VTI1B: variants seen among roughly 807,000 people sequenced by gnomAD.
VTI1B encodes vesicle transport through interaction with t-SNAREs homolog 1B.
A neutral mutation model predicts 28.6 loss-of-function variants in VTI1B; 18 were observed. That is an observed-to-expected ratio of 0.63 (90% CI 0.43 to 0.93). VTI1B has a LOEUF of 0.93. VTI1B is among the 40% of genes least tolerant of loss of function. The probability of loss-of-function intolerance (pLI) is 0.00; values close to 1 mark genes in which losing one functional copy is unlikely to be tolerated. For synonymous variants in VTI1B, 100 were observed against 107.9 expected (o/e 0.93, Z 0.46); for missense variants, 283 against 297.0 (o/e 0.95, Z 0.35).
chr14:67,656,319 C>T (rs1303015356), intron 4 of VTI1B, 97 bp downstream of exon 4: 6 of 1,147,228 alleles, frequency 5.2e-6, no homozygotes, highest in East Asian at 5.4e-5. Context: ...TCCCTGAATA[C>T]AGAACTGCTG....
chr14:67,650,873 C>T lies in VTI1B; in HGVS notation c.*512G>A, dbSNP rs768729907. The T allele has an allele frequency of 6.1e-5, 98 of 1,614,038 alleles. No individual in the cohort carries two copies. Among genetic ancestry groups the T allele is most frequent in the Admixed American group, 4.0e-4 (24 of 60,002 alleles). On this transcript the variant is annotated 3_prime_UTR_variant, in exon 6 of 6. Transcript: ENST00000554659. ...TATTGTCTATGACCAACTTCCTACT[C>T]CCAGTTCACCAGATGAATCAGAAAA...
intron 1 of VTI1B, among the ~76,000 whole-genome samples, chr14:67,669,452 G>A (rs1192775088): frequency 1.3e-5 from 2 of 148,494 alleles, no homozygotes; most frequent in Non-Finnish European, 3.0e-5. Flanking sequence ...TTTTTTTGTA[G>A]AGATAGGTCT....
chr14:67,668,784 T>G (rs749095125), intron 1 of VTI1B, among the ~76,000 whole-genome samples: 2 of 152,214 alleles, frequency 1.3e-5, no homozygotes, highest in African/African-American at 2.4e-5. Context: ...TCAATAGGTC[T>G]GGGGTGGGGC....
rs1296832225 is a variant in VTI1B, at chr14:67,651,040, AT to A, written c.*344del. 2 of 1,112,046 alleles carry A rather than the reference AT, an allele frequency of 1.8e-6. No individual in the cohort carries two copies. The highest frequency in any genetic ancestry group is 2.6e-6 in the Non-Finnish European group (2 of 775,148). 68.9% of individuals were successfully genotyped at this position (1,112,046 alleles called of 1,614,324 possible). A position where few individuals can be genotyped will look rare whatever the true frequency, so the allele number is the denominator to read the frequency against. ...ACTGCCTTAATGAGAACATTTACAC[AT>A]TCTCACAATTGTAAAGTTTCCCCTC... On this transcript the variant is annotated 3_prime_UTR_variant, in exon 6 of 6. Transcript: ENST00000554659.
rs375567734 is a variant in VTI1B at position 67,660,544 on chromosome 14, T to C, written c.175-622A>G. ...AAGAAGTGCTTTGAAGTCTACTGTATTAAAAATGATAGGGGTCTGGCATCA... is the reference window on the plus strand; with the variant it reads ...AAGAAGTGCTTTGAAGTCTACTGTACTAAAAATGATAGGGGTCTGGCATCA... On this transcript the variant is annotated intron_variant, in intron 2 of 5. Transcript: ENST00000554659. 3.0e-4 allele frequency among the ~76,000 whole-genome samples: 46 copies of C among 152,328 alleles called. 1 individual carries two copies. Among genetic ancestry groups the C allele is most frequent in the African/African-American group, 1.1e-3 (45 of 41,586 alleles).
At position 67,672,122 on chromosome 14, in the gene VTI1B, CA is replaced by C. The variant is rs765786997; in HGVS notation, c.115+2252del. On this transcript the variant is annotated intron_variant, in intron 1 of 5. Transcript: ENST00000554659. ...AGTGCCAGGTTGAAAATGCAGTCTA[CA>C]TTTTTTTTTTTTTTTGGGAGAGTCT... Among the ~76,000 whole-genome samples the C allele has an allele frequency of 5.8e-3, 762 of 130,902 alleles. 5 individuals carry two copies. The highest frequency in any genetic ancestry group is 9.3e-3 in the Non-Finnish European group (515 of 55,540). The allele number at this position is 130,902 out of a possible 152,430, so 85.9% of individuals were successfully genotyped here.
Position 67,648,238 on chromosome 14 carries a change from T to G in VTI1B, c.*3147A>C. On this transcript the variant is annotated 3_prime_UTR_variant, in exon 6 of 6. Coordinates refer to ENST00000554659, the MANE Select transcript of VTI1B (RefSeq NM_006370.3). Reference sequence around the variant, plus strand: ...AACTACATAGGTAAATATGCTAGAGTCTCTTGCCTGCAAAGGATCTTTTCT... The same window carrying G: ...AACTACATAGGTAAATATGCTAGAGGCTCTTGCCTGCAAAGGATCTTTTCT... 2 of 1,546,236 alleles carry G rather than the reference T, an allele frequency of 1.3e-6. No individual in the cohort carries two copies. The highest frequency in any genetic ancestry group is 4.6e-5 in the East Asian group (2 of 43,752).
intron 1 of VTI1B, among the ~76,000 whole-genome samples, chr14:67,665,687 G>A (rs1338942723): frequency 6.6e-6 from 1 of 152,138 alleles, no homozygotes; most frequent in African/African-American, 2.4e-5. Context: ...CTGTGCCATA[G>A]ATCCTAGAAC....
At chr14:67,665,438 A>AT (rs986357378) in intron 1 of VTI1B, among the ~76,000 whole-genome samples, 44 of 147,870 alleles carry the variant, frequency 3.0e-4, no homozygotes, top group Middle Eastern at 3.5e-3. Flanking sequence ...CACACAGCTA[A>AT]TTTTTTTTTT....
chr14:67,674,331 G>A (rs2140042042), intron 1 of VTI1B, 44 bp downstream of exon 1: 1 of 1,500,230 alleles, frequency 6.7e-7, no homozygotes, highest in South Asian at 1.2e-5. Flanking sequence ...CTTCCAAAGC[G>A]CGCAGGGCTG....
intron 1 of VTI1B, chr14:67,663,191 C>T (rs1303553771): frequency 6.6e-7 from 1 of 1,524,630 alleles, no homozygotes; most frequent in South Asian, 1.2e-5. Flanking sequence ...CTAATCTCCC[C>T]TTTGAACAAA....
At position 67,659,867 on chromosome 14, in the gene VTI1B, A is replaced by G; in HGVS notation, c.230T>C (p.Met77Thr). 1.2e-6 allele frequency: 2 copies of G among 1,614,176 alleles called. No homozygotes were observed. The highest frequency in any genetic ancestry group is 1.1e-5 in the South Asian group (1 of 91,072). The stretch of plus-strand genomic sequence containing the variant: ...CCGGTAGTTTCGAAGCTTAGACATC[A>G]TGGGGTTTCGGAAAGACAGGGGTGC... Reference protein sequence around the residue: ...RYAPLSFRNPMMSKLRNYRKD... With the variant: ...RYAPLSFRNPTMSKLRNYRKD... The change falls in exon 3 of 6, where the codon ATG (methionine) becomes ACG (threonine). Residue 77 changes from methionine (M) to threonine (T), a missense_variant. Coordinates refer to ENST00000554659, the MANE Select transcript of VTI1B (RefSeq NM_006370.3).
Position 67,662,499 on chromosome 14 carries a change from T to C in VTI1B, c.152A>G (p.Lys51Arg). 37 of 1,612,264 alleles carry C rather than the reference T, an allele frequency of 2.3e-5. No homozygotes were observed. Among genetic ancestry groups the C allele is most frequent in the Non-Finnish European group, 3.1e-5 (36 of 1,179,562 alleles). Residue 51 changes from lysine (K) to arginine (R), a missense_variant, in exon 2 of 6, where the codon AAG becomes AGG. Lys to Arg is a conservative substitution (Grantham distance 26). Transcript: ENST00000554659. The part of the protein sequence containing the change: ...KKKLIRDFDE[K>R]QQEANETLAE... ...CACCGTTTCATTTGCTTCCTGTTGCTTTTCATCAAAATCCCTGATCAATTT... is the reference window on the plus strand; with the variant it reads ...CACCGTTTCATTTGCTTCCTGTTGCCTTTCATCAAAATCCCTGATCAATTT...
chr14:67,664,215 T>C (rs150913549), intron 1 of VTI1B, among the ~76,000 whole-genome samples: 3 of 152,292 alleles, frequency 2.0e-5, no homozygotes, highest in South Asian at 2.1e-4. Flanking sequence ...CACACCGTTG[T>C]GGAGCCATCA....
At position 67,662,513 on chromosome 14, in the gene VTI1B, C is replaced by T. The variant is rs766030434; in HGVS notation, c.138G>A (p.Arg46=). 1.2e-6 allele frequency: 2 copies of T among 1,611,168 alleles called. No individual in the cohort carries two copies. The highest frequency in any genetic ancestry group is 2.2e-5 in the South Asian group (2 of 90,520). The stretch of plus-strand genomic sequence containing the variant: ...CTTCCTGTTGCTTTTCATCAAAATC[C>T]CTGATCAATTTCTTCTTTTCTTCTA... ...AGTEEKKKLI[R]DFDEKQQEAN... is the part of the protein sequence containing the mutation. The change falls in exon 2 of 6, where the codon AGG becomes AGA. Residue 46 remains arginine (R), a synonymous_variant. Coordinates refer to ENST00000554659, the MANE Select transcript of VTI1B (RefSeq NM_006370.3).
chr14:67,655,534 T>G (rs2037244927), intron 4 of VTI1B, among the ~76,000 whole-genome samples: 2 of 152,160 alleles, frequency 1.3e-5, no homozygotes, highest in Non-Finnish European at 2.9e-5. Context: ...TTACTTTTTT[T>G]TTTTTACTTT....
In VTI1B at chr14:67,653,471, T is replaced by G; in HGVS notation, c.568A>C (p.Lys190Gln). The change falls in exon 5 of 6, where the codon AAA becomes CAA. Residue 190 changes from lysine to glutamine, a missense_variant. Lys to Gln is a moderately conservative substitution (Grantham distance 53). Transcript: ENST00000554659. ...ATTGAACGGAGAATCTTCCGACTTT[T>G]GCTCAAGTTTTCACTTGTGTTTACC... ...RLVNTSENLS[K>Q]SRKILRSMSR... 6.2e-7 allele frequency: 1 copy of G among 1,614,150 alleles called. No individual in the cohort carries two copies. The highest frequency in any genetic ancestry group is 8.5e-7 in the Non-Finnish European group (1 of 1,180,012).
At chr14:67,656,238 T>G (rs1202295426) in intron 4 of VTI1B, among the ~76,000 whole-genome samples, 178 bp downstream of exon 4, 1 of 143,596 alleles carries the variant, frequency 7.0e-6, no homozygotes, top group Admixed American at 7.1e-5. Context: ...ACAGTGAGAC[T>G]CTATCTCAAA....
chr14:67,648,016 TTAAG>T lies in VTI1B; in HGVS notation c.*3365_*3368del. On this transcript the variant is annotated 3_prime_UTR_variant, in exon 6 of 6. Coordinates refer to ENST00000554659, the MANE Select transcript of VTI1B (RefSeq NM_006370.3). The stretch of plus-strand genomic sequence containing the variant: ...CAAGGACAACCAGTTAAGTATTATT[TTAAG>T]TATTATTTTATCCTCTTCCTTTTTA... The T allele has an allele frequency of 1.3e-6, 2 of 1,558,844 alleles. No individual in the cohort carries two copies. Among genetic ancestry groups the T allele is most frequent in the Non-Finnish European group, 1.7e-6 (2 of 1,146,748 alleles).
Sources: gnomAD v4.1 joint callset for allele counts (sites outside exome capture counted in the v4.1 genomes callset) on GRCh38, gnomAD v4.1.1 for gene constraint, MANE v1.5 for transcripts, NCBI Gene and HGNC (gene_info 2026-07-23, HGNC 2026-07-21) for gene names.